The following WSB1 variants were observed in gnomAD, a reference collection of about 807,000 sequenced individuals.
WSB1 encodes WD repeat and SOCS box containing 1, also known as WD repeat and SOCS box-containing protein 1.
A neutral mutation model predicts 50.2 loss-of-function variants in WSB1; 23 were observed. That is an observed-to-expected ratio of 0.46 (90% CI 0.33 to 0.65). The LOEUF is 0.65. Ranked by LOEUF, WSB1 falls within the 30% of genes least tolerant of loss-of-function variation. WSB1 has a pLI of 0.02. For missense variants in WSB1, 492 were observed against 522.3 expected (o/e 0.94, Z 0.56); for synonymous variants, 179 against 172.0 (o/e 1.04, Z -0.32).
rs1403346445 is a variant in WSB1, at chr17:27,306,891, C to CA, written c.711+12dup. The CA allele has an allele frequency of 6.2e-7, 1 of 1,612,716 alleles. No individual in the cohort carries two copies. Among genetic ancestry groups the CA allele is most frequent in the Non-Finnish European group, 8.5e-7 (1 of 1,179,082 alleles). ...TCGGAGCCAGTAAAGCAGTACGTGT[C>CA]AAAGTTCTTGTACATTCATTATGAA... On this transcript the variant is annotated intron_variant, in intron 5 of 8. Transcript: ENST00000262394.
chr17:27,308,074 G>A (rs2017529761), intron 5 of WSB1: 2 of 1,150,398 alleles, frequency 1.7e-6, no homozygotes, highest in Non-Finnish European at 2.1e-6. Flanking sequence ...TTAATGTAAA[G>A]TATTTGGCTT....
In WSB1 at chr17:27,295,798, G is replaced by C. The variant is rs189802602; in HGVS notation, c.40+1363G>C. Among the ~76,000 whole-genome samples, 7 of 150,756 alleles carry C rather than the reference G, an allele frequency of 4.6e-5. No homozygotes were observed. The East Asian group carries it at 9.7e-4, about 21-fold the overall frequency. On this transcript the variant is annotated intron_variant, in intron 1 of 8. Coordinates refer to ENST00000262394, the MANE Select transcript of WSB1 (RefSeq NM_015626.10). ...TTAAATCTGTATTTTACTTCATCCT[G>C]ATAAACCATTTTGAAAACTTTGCGG...
intron 1 of WSB1, among the ~76,000 whole-genome samples, chr17:27,298,153 A>G (rs1157385764): frequency 6.8e-6 from 1 of 147,238 alleles, no homozygotes; most frequent in Non-Finnish European, 1.5e-5. Context: ...AAAAAAAGTC[A>G]CGTATGAAAA....
intron 6 of WSB1, 28 bp from the exon 7 acceptor site, chr17:27,310,032 AT>A: frequency 6.3e-7 from 1 of 1,591,450 alleles, no homozygotes; most frequent in Non-Finnish European, 8.6e-7. Context: ...AGTGACTGAT[AT>A]CCACTGAAAA....
At position 27,303,506 on chromosome 17, in the gene WSB1, T is replaced by G; in HGVS notation, c.349T>G (p.Ser117Ala). ...GDIVWSLAFG[S>A]SVPEKQSRCV... ...TATAGTCTGGAGTCTTGCTTTTGGG[T>G]CATCAGTTCCAGAAAAACAGAGTCG... The change falls in exon 3 of 9, where the codon TCA becomes GCA. Residue 117 changes from serine to alanine, a missense_variant. Coordinates refer to ENST00000262394, the MANE Select transcript of WSB1 (RefSeq NM_015626.10). The G allele has an allele frequency of 1.2e-6, 2 of 1,614,154 alleles. No homozygotes were observed. The highest frequency in any genetic ancestry group is 1.7e-6 in the Non-Finnish European group (2 of 1,180,016).
Position 27,312,476 on chromosome 17 carries a change from T to A in WSB1, c.*107T>A. The A allele has an allele frequency of 7.0e-7, 1 of 1,421,846 alleles. No individual in the cohort carries two copies. Among genetic ancestry groups the A allele is most frequent in the African/African-American group, 1.4e-5 (1 of 69,376 alleles). 88.1% of individuals were successfully genotyped at this position (1,421,846 alleles called of 1,614,324 possible). ...TTTTTAAAGACGTAGAAGATTTATT[T>A]AATTTGATATGTTCTTGTACTGCAT... On this transcript the variant is annotated 3_prime_UTR_variant, in exon 9 of 9. Transcript: ENST00000262394.
At chr17:27,294,531 A>G (rs578188948) in intron 1 of WSB1, 96 bp downstream of exon 1, 667 of 1,544,550 alleles carry the variant, frequency 4.3e-4, no homozygotes, top group Non-Finnish European at 5.4e-4. Flanking sequence ...AGTCTGAGGG[A>G]AGAGCTCCAG....
At chr17:27,301,645 C>G (rs546782193) in intron 1 of WSB1, 143 bp from the exon 2 acceptor site, 1 of 706,492 alleles carries the variant, frequency 1.4e-6, no homozygotes, top group Non-Finnish European at 2.3e-6. Flanking sequence ...CTGCATACCC[C>G]CCGTTAGAGG....
At chr17:27,306,922 T>A in intron 5 of WSB1, 40 bp downstream of exon 5, 1 of 1,576,696 alleles carries the variant, frequency 6.3e-7, no homozygotes, top group Non-Finnish European at 8.7e-7. Context: ...ATGAATTGGA[T>A]TATGATAATG....
chr17:27,299,615 A>ATT (rs1039204366), intron 1 of WSB1, among the ~76,000 whole-genome samples: 1 of 152,150 alleles, frequency 6.6e-6, no homozygotes, highest in Non-Finnish European at 1.5e-5. Context: ...CCACACCTGA[A>ATT]GTATTGTGGT....
In WSB1 at chr17:27,309,271, G is replaced by T; in HGVS notation, c.883G>T (p.Gly295Trp). The T allele has an allele frequency of 6.2e-7, 1 of 1,600,752 alleles. No homozygotes were observed. The highest frequency in any genetic ancestry group is 1.1e-5 in the South Asian group (1 of 89,446). ...TAATGGAGACATTCTGATGGAATTT[G>T]GGTGGGTACAGCATGAATTATTTTA... Reference protein sequence around the residue: ...PHNGDILMEFGHLFPPPTPIF... With the variant: ...PHNGDILMEFWHLFPPPTPIF... The change falls in exon 6 of 9, where the codon GGG becomes TGG. Residue 295 changes from glycine (G) to tryptophan (W), a missense_variant and splice_region_variant. Transcript: ENST00000262394.
chr17:27,312,156 A>G (rs2017709564), intron 8 of WSB1, 54 bp from the exon 9 acceptor site: 1 of 1,556,800 alleles, frequency 6.4e-7, no homozygotes, highest in Middle Eastern at 1.7e-4. Flanking sequence ...GAGCTGTAGC[A>G]ACACTGAAAT....
At position 27,303,427 on chromosome 17, in the gene WSB1, T is replaced by C. The variant is rs1054339951; in HGVS notation, c.270T>C (p.Asn90=). Residue 90 remains asparagine (N), a synonymous_variant, in exon 3 of 9, where the codon AAT becomes AAC. Coordinates refer to ENST00000262394, the MANE Select transcript of WSB1 (RefSeq NM_015626.10). ...NSSSLRLPRQ[N]SDGGQKNKPR... ...GCAGTTTAAGATTGCCAAGACAAAA[T>C]AGTGATGGTGGTCAGAAAAATAAGC... 2.5e-6 allele frequency: 4 copies of C among 1,613,880 alleles called. No homozygotes were observed. In the African/African-American group the frequency reaches 4.0e-5, roughly 16 times the overall value.
Position 27,312,481 on chromosome 17 carries a change from T to G in WSB1, c.*112T>G, listed in dbSNP as rs1333571786. The stretch of plus-strand genomic sequence containing the variant: ...AAAGACGTAGAAGATTTATTTAATT[T>G]GATATGTTCTTGTACTGCATTTTGA... On this transcript the variant is annotated 3_prime_UTR_variant, in exon 9 of 9. Coordinates refer to ENST00000262394, the MANE Select transcript of WSB1 (RefSeq NM_015626.10). The G allele has an allele frequency of 5.7e-6, 8 of 1,406,000 alleles. No individual in the cohort carries two copies. The highest frequency in any genetic ancestry group is 7.8e-6 in the Non-Finnish European group (8 of 1,027,506). 87.1% of individuals were successfully genotyped at this position (1,406,000 alleles called of 1,614,324 possible). A position where few individuals can be genotyped will look rare whatever the true frequency, so the allele number is the denominator to read the frequency against.
intron 8 of WSB1, 45 bp from the exon 9 acceptor site, chr17:27,312,165 A>G: frequency 6.4e-7 from 1 of 1,570,310 alleles, no homozygotes; most frequent in Non-Finnish European, 8.6e-7. Context: ...CAACACTGAA[A>G]TACATATACT....
intron 7 of WSB1, among the ~76,000 whole-genome samples, chr17:27,311,293 G>A (rs916729832): frequency 2.6e-5 from 4 of 152,190 alleles, no homozygotes; most frequent in Admixed American, 2.6e-4. Context: ...GCCATGCATT[G>A]TAGTCTCTTA....
chr17:27,312,571 AT>A lies in WSB1; in HGVS notation c.*209del, dbSNP rs1163727157. 3.1e-6 allele frequency: 2 copies of A among 650,568 alleles called. No homozygotes were observed. Among genetic ancestry groups the A allele is most frequent in the African/African-American group, 1.9e-5 (1 of 53,086 alleles). 40.3% of individuals were successfully genotyped at this position (650,568 alleles called of 1,614,324 possible). On this transcript the variant is annotated 3_prime_UTR_variant, in exon 9 of 9. Coordinates refer to ENST00000262394, the MANE Select transcript of WSB1 (RefSeq NM_015626.10). ...GTATTTCTGAACATATCAAATATAAATTTTTTTAAAGATCTAACTGTGAAAA... is the reference window on the plus strand; with the variant it reads ...GTATTTCTGAACATATCAAATATAAATTTTTTAAAGATCTAACTGTGAAAA...
chr17:27,294,535 G>T (rs946370108), intron 1 of WSB1, 100 bp downstream of exon 1: 1 of 1,522,318 alleles, frequency 6.6e-7, no homozygotes, highest in African/African-American at 1.4e-5. Flanking sequence ...TGAGGGAAGA[G>T]CTCCAGTGCG....
At chr17:27,294,545 G>A (rs1166752345) in intron 1 of WSB1, 110 bp downstream of exon 1, 4 of 1,465,516 alleles carry the variant, frequency 2.7e-6, no homozygotes, top group Non-Finnish European at 3.7e-6. Context: ...GCTCCAGTGC[G>A]CCAGGGCCAG....
Sources: gnomAD v4.1 joint callset for allele counts (sites outside exome capture counted in the v4.1 genomes callset) on GRCh38, gnomAD v4.1.1 for gene constraint, MANE v1.5 for transcripts, NCBI Gene and HGNC (gene_info 2026-07-23, HGNC 2026-07-21) for gene names.